The following CDH4 variants were observed in gnomAD, a reference collection of about 807,000 sequenced individuals.
CDH4 encodes cadherin-4.
A neutral mutation model predicts 86.0 loss-of-function variants in CDH4; 33 were observed. The ratio of observed to expected loss-of-function variants is 0.38; its 90% CI spans 0.29 to 0.51. The LOEUF (loss-of-function observed/expected upper bound fraction) is 0.51. CDH4 is among the 20% of genes least tolerant of loss of function. The pLI is 0.86. For synonymous variants in CDH4, 555 were observed against 549.4 expected, an observed-to-expected ratio of 1.01 and a Z score of -0.14; for missense variants, 1,114 against 1,307.4, an observed-to-expected ratio of 0.85 and a Z score of 2.28.
At chr20:61,613,626 G>A (rs1297899177) in intron 2 of CDH4, among the ~76,000 whole-genome samples, 1 of 151,754 alleles carries the variant, frequency 6.6e-6, no homozygotes, top group Non-Finnish European at 1.5e-5. Context: ...CTAGTGAACT[G>A]GATACCTAAA....
chr20:61,779,766 C>T (rs74587150), intron 4 of CDH4, among the ~76,000 whole-genome samples: 1,692 of 152,326 alleles, frequency 0.011, 29 homozygotes, highest in African/African-American at 0.038. Flanking sequence ...TGAGTGATGC[C>T]CCGAGCTGGG....
At chr20:61,769,713 G>A (rs992401792) in intron 3 of CDH4, among the ~76,000 whole-genome samples, 3 of 152,158 alleles carry the variant, frequency 2.0e-5, no homozygotes, top group African/African-American at 4.8e-5. Context: ...GAGGACTTAT[G>A]GGGAGACTAC....
intron 2 of CDH4, among the ~76,000 whole-genome samples, chr20:61,394,919 G>A (rs1032039321): frequency 7.1e-6 from 1 of 141,416 alleles, no homozygotes; most frequent in African/African-American, 2.6e-5. Context: ...CCGCCCAGCA[G>A]TGATTCTGAG....
intron 2 of CDH4, among the ~76,000 whole-genome samples, chr20:61,579,736 G>T (rs2086411406): frequency 6.6e-6 from 1 of 152,152 alleles, no homozygotes; most frequent in Admixed American, 6.5e-5. Flanking sequence ...TACTTGTGGA[G>T]TTGGATTGAG....
chr20:61,443,663 A>G (rs1396426664), intron 2 of CDH4, among the ~76,000 whole-genome samples: 1 of 152,242 alleles, frequency 6.6e-6, no homozygotes, highest in East Asian at 1.9e-4. Context: ...TTTTGAGAGA[A>G]GACTGCTGGC....
At chr20:61,652,510 C>T (rs1444858950) in intron 2 of CDH4, among the ~76,000 whole-genome samples, 1 of 152,168 alleles carries the variant, frequency 6.6e-6, no homozygotes, top group Non-Finnish European at 1.5e-5. Context: ...TTTTCAAGTT[C>T]ATAAATAACA....
chr20:61,869,947 C>A (rs998888550), intron 6 of CDH4, among the ~76,000 whole-genome samples: 1 of 152,188 alleles, frequency 6.6e-6, no homozygotes, highest in Non-Finnish European at 1.5e-5. Flanking sequence ...TTATCTGAGT[C>A]CTGTGGAGGC....
At chr20:61,823,753 T>C (rs1981177445) in intron 4 of CDH4, among the ~76,000 whole-genome samples, 1 of 152,244 alleles carries the variant, frequency 6.6e-6, no homozygotes, top group Non-Finnish European at 1.5e-5. Context: ...CTGAAGTCTT[T>C]GGTAGCACAA....
Position 61,599,864 on chromosome 20 carries a change from C to A in CDH4, c.170-143699C>A, listed in dbSNP as rs564144103. On this transcript the variant is annotated intron_variant, in intron 2 of 15. Transcript: ENST00000614565. Reference sequence around the variant, plus strand: ...GCCCGCTTCCCTTCGCCGCACACAACACAGGAGCAATCTTCTCAGCCGTGC... The same window carrying A: ...GCCCGCTTCCCTTCGCCGCACACAAAACAGGAGCAATCTTCTCAGCCGTGC... 6.7e-5 allele frequency: 66 copies of A among 985,618 alleles called. No individual in the cohort carries two copies. The Middle Eastern group carries it at 2.1e-3, about 31-fold the overall frequency. 61.1% of individuals were successfully genotyped at this position (985,618 alleles called of 1,614,324 possible). A position where few individuals can be genotyped will look rare whatever the true frequency, so the allele number is the denominator to read the frequency against.
intron 2 of CDH4, among the ~76,000 whole-genome samples, chr20:61,556,059 G>A (rs2086175167): frequency 6.6e-6 from 1 of 152,282 alleles, no homozygotes; most frequent in South Asian, 2.1e-4. Flanking sequence ...TCGCCTTGGT[G>A]TACCCCCCAT....
intron 2 of CDH4, among the ~76,000 whole-genome samples, chr20:61,597,804 CAATG>C (rs1453843251): frequency 6.6e-6 from 1 of 152,106 alleles, no homozygotes; most frequent in Non-Finnish European, 1.5e-5. Context: ...GTGGACAAAA[CAATG>C]AAAGAGCCAA....
chr20:61,853,180 G>C (rs1230947242), intron 6 of CDH4, among the ~76,000 whole-genome samples: 1 of 152,186 alleles, frequency 6.6e-6, no homozygotes, highest in Admixed American at 6.5e-5. Context: ...GGACAGCGGT[G>C]GGCCTGGGCA....
intron 6 of CDH4, among the ~76,000 whole-genome samples, chr20:61,863,575 G>A (rs1291826232): frequency 6.6e-6 from 1 of 152,122 alleles, no homozygotes; most frequent in Non-Finnish European, 1.5e-5. Context: ...GTGGAACGGA[G>A]CCCTGCAGGG....
At chr20:61,440,911 A>G (rs2085312101) in intron 2 of CDH4, among the ~76,000 whole-genome samples, 1 of 152,202 alleles carries the variant, frequency 6.6e-6, no homozygotes. Flanking sequence ...AGTTGTCGGG[A>G]AGAGCCCAGG....
chr20:61,574,719 G>T (rs562430004), intron 2 of CDH4, among the ~76,000 whole-genome samples: 3 of 152,164 alleles, frequency 2.0e-5, no homozygotes, highest in African/African-American at 7.2e-5. Flanking sequence ...CTCTCCACAG[G>T]TTGGGGGAGT....
intron 9 of CDH4, among the ~76,000 whole-genome samples, chr20:61,917,693 G>A (rs1440128952): frequency 2.0e-5 from 3 of 152,270 alleles, no homozygotes; most frequent in South Asian, 2.1e-4. Context: ...TCAGGCACAC[G>A]CCCAGCTGCT....
rs1984167253 is a variant in CDH4 at position 61,879,108 on chromosome 20, A to C, written c.1050+5208A>C. On this transcript the variant is annotated intron_variant, in intron 7 of 15. Transcript: ENST00000614565. The surrounding 1 kb of genome is among the most constrained non-coding windows in gnomAD (Gnocchi z 4.1). The stretch of plus-strand genomic sequence containing the variant: ...GACCACCGTTGCCAGGCATTAGTAA[A>C]CCCACGCAGGCGGCCACTGACAGCA... 6.6e-6 allele frequency among the ~76,000 whole-genome samples: 1 copy of C among 152,154 alleles called. No homozygotes were observed. The highest frequency in any genetic ancestry group is 2.4e-5 in the African/African-American group (1 of 41,436).
intron 2 of CDH4, among the ~76,000 whole-genome samples, chr20:61,274,399 C>CCA (rs2084212439): frequency 1.5e-5 from 1 of 66,760 alleles, no homozygotes; most frequent in African/African-American, 6.5e-5. Context: ...GGGGGGAGTA[C>CCA]TGTGTGCAGT....
chr20:61,663,771 C>T lies in CDH4; in HGVS notation c.170-79792C>T, dbSNP rs1040774808. On this transcript the variant is annotated intron_variant, in intron 2 of 15. Transcript: ENST00000614565. The surrounding 1 kb of genome is among the most constrained non-coding windows in gnomAD (Gnocchi z 5.0). ...GGGTCGGGGGAAGATCAGGAGCTCC[C>T]GGTGTCCAGGCTGCACAATGTGGGC... 5.9e-5 allele frequency among the ~76,000 whole-genome samples: 9 copies of T among 152,250 alleles called. No homozygotes were observed. Among genetic ancestry groups the T allele is most frequent in the South Asian group, 4.1e-4 (2 of 4,822 alleles).
Sources: gnomAD v4.1 joint callset for allele counts (sites outside exome capture counted in the v4.1 genomes callset) on GRCh38, gnomAD v4.1.1 for gene constraint, Gnocchi (gnomAD v3.1) non-coding constraint, MANE v1.5 for transcripts, NCBI Gene and HGNC (gene_info 2026-07-23, HGNC 2026-07-21) for gene names.